The following FSTL4 variants were observed in gnomAD, a reference collection of about 807,000 sequenced individuals.
FSTL4 encodes follistatin like 4, also known as follistatin-related protein 4.
FSTL4 carries 28 observed loss-of-function variants against 78.2 expected under a neutral mutation model. That is an observed-to-expected ratio of 0.36 (90% CI 0.27 to 0.49). The LOEUF is 0.49. FSTL4 is among the 20% of genes least tolerant of loss of function. The pLI, the probability that FSTL4 is intolerant of heterozygous loss-of-function variation, is 0.98. For synonymous variants in FSTL4, 422 were observed against 440.5 expected, an observed-to-expected ratio of 0.96 and a Z score of 0.53; for missense variants, 922 against 1,084.9, an observed-to-expected ratio of 0.85 and a Z score of 2.11.
chr5:133,264,902 G>A (rs993357113), intron 6 of FSTL4, among the ~76,000 whole-genome samples: 7 of 152,178 alleles, frequency 4.6e-5, no homozygotes, highest in African/African-American at 1.7e-4. Context: ...GCCTTAGGAG[G>A]CACAGGCAGA....
intron 3 of FSTL4, among the ~76,000 whole-genome samples, chr5:133,409,928 G>A (rs572522666): frequency 1.7e-4 from 26 of 152,326 alleles, no homozygotes; most frequent in African/African-American, 6.0e-4. Context: ...TCGTGGGTAC[G>A]TGAGAGGGCT....
intron 3 of FSTL4, among the ~76,000 whole-genome samples, chr5:133,451,568 GA>G (rs978119189): frequency 6.6e-6 from 1 of 151,520 alleles, no homozygotes; most frequent in South Asian, 2.1e-4. Context: ...TCTCAAAAAA[GA>G]AAAAAAAGAG....
intron 4 of FSTL4, among the ~76,000 whole-genome samples, chr5:133,394,144 T>C (rs1755933554): frequency 6.6e-6 from 1 of 152,196 alleles, no homozygotes. Flanking sequence ...CGGTCCCTCT[T>C]TGGGAAATGA....
At chr5:133,593,656 G>A (rs1437735407) in intron 2 of FSTL4, among the ~76,000 whole-genome samples, 1 of 152,192 alleles carries the variant, frequency 6.6e-6, no homozygotes, top group Non-Finnish European at 1.5e-5. Context: ...AGTGTCCTGG[G>A]ACCAGGCGTG....
At chr5:133,665,738 G>A in the FSTL4 span, among the ~76,000 whole-genome samples, 1 of 152,202 alleles carries the variant, frequency 6.6e-6, no homozygotes, top group African/African-American at 2.4e-5. Context: ...GGGAACATCT[G>A]GCTGACATAG....
chr5:133,508,569 C>T (rs456250), intron 3 of FSTL4, among the ~76,000 whole-genome samples: 19,275 of 152,190 alleles, frequency 0.13, 1,294 homozygotes, highest in Non-Finnish European at 0.15. Context: ...TTCCACTGTA[C>T]ATGCGGTCTG....
At chr5:133,825,883 TC>T in the FSTL4 span, among the ~76,000 whole-genome samples, 15 of 152,216 alleles carry the variant, frequency 9.9e-5, no homozygotes, top group Non-Finnish European at 7.4e-5. Flanking sequence ...TGCTCAGCTG[TC>T]ATCAAGTATT....
chr5:133,399,975 G>C (rs944906663), intron 4 of FSTL4, among the ~76,000 whole-genome samples: 9 of 152,190 alleles, frequency 5.9e-5, no homozygotes, highest in African/African-American at 2.2e-4. Context: ...ATCAACCCAG[G>C]ATGTGCATTC....
intron 4 of FSTL4, among the ~76,000 whole-genome samples, chr5:133,372,598 G>C (rs28222): frequency 0.73 from 111,467 of 152,066 alleles, 41,525 homozygotes; most frequent in Middle Eastern, 0.81. Context: ...CCAAGCAACA[G>C]TTGGAGTGGG....
chr5:133,737,944 G>A, the FSTL4 span, among the ~76,000 whole-genome samples: 1 of 152,086 alleles, frequency 6.6e-6, no homozygotes, highest in Non-Finnish European at 1.5e-5. Context: ...AATGAACATG[G>A]GGATTTTACT....
the FSTL4 span, among the ~76,000 whole-genome samples, chr5:133,793,177 A>G: frequency 5.3e-5 from 8 of 152,210 alleles, no homozygotes; most frequent in African/African-American, 1.4e-4. Flanking sequence ...CTGGGGAGGG[A>G]CCACCCTCTT....
chr5:133,403,334 C>G (rs1032105218), intron 3 of FSTL4, among the ~76,000 whole-genome samples: 1 of 152,154 alleles, frequency 6.6e-6, no homozygotes, highest in African/African-American at 2.4e-5. Context: ...TCTGGCTAAA[C>G]CAGCTCCAAG....
chr5:133,477,946 T>C (rs908141376), intron 3 of FSTL4, among the ~76,000 whole-genome samples: 1 of 152,188 alleles, frequency 6.6e-6, no homozygotes, highest in Non-Finnish European at 1.5e-5. Flanking sequence ...AAAGTTCCCA[T>C]TGTCTGGCCA....
chr5:133,499,855 G>T (rs1758452888), intron 3 of FSTL4, among the ~76,000 whole-genome samples: 1 of 152,110 alleles, frequency 6.6e-6, no homozygotes, highest in Non-Finnish European at 1.5e-5. Context: ...CCTAAATCCT[G>T]CCATGTCATA....
At chr5:133,357,486 G>A (rs1188836466) in intron 4 of FSTL4, among the ~76,000 whole-genome samples, 2 of 152,320 alleles carry the variant, frequency 1.3e-5, no homozygotes, top group Admixed American at 1.3e-4. Context: ...GAGCCAGGGA[G>A]CCAATTTCTA....
chr5:133,471,210 A>C (rs1757820588), intron 3 of FSTL4, among the ~76,000 whole-genome samples: 1 of 152,106 alleles, frequency 6.6e-6, no homozygotes, highest in South Asian at 2.1e-4. Context: ...TGTTTTAACT[A>C]CCGCGTCTTT....
chr5:133,291,401 G>GT (rs1272831142), intron 6 of FSTL4, among the ~76,000 whole-genome samples: 1 of 152,174 alleles, frequency 6.6e-6, no homozygotes, highest in African/African-American at 2.4e-5. Flanking sequence ...TGTAAATCAG[G>GT]TTTTACTGGA....
In FSTL4 at chr5:133,519,546, G is replaced by T. The variant is rs575107904; in HGVS notation, c.160+47640C>A. ...AAAGCAGCAACATAAAGGAAAGCCG[G>T]GATGGCCACAGTTGATTTCAACACG... On this transcript the variant is annotated intron_variant, in intron 3 of 15. Coordinates refer to ENST00000265342, the MANE Select transcript of FSTL4 (RefSeq NM_015082.2). Among the ~76,000 whole-genome samples, 17 of 152,334 alleles carry T rather than the reference G, an allele frequency of 1.1e-4. 1 individual carries two copies. Among genetic ancestry groups the T allele is most frequent in the African/African-American group, 3.8e-4 (16 of 41,564 alleles).
intron 6 of FSTL4, among the ~76,000 whole-genome samples, chr5:133,310,405 C>T (rs563659073): frequency 2.6e-5 from 4 of 152,312 alleles, no homozygotes; most frequent in African/African-American, 7.2e-5. Flanking sequence ...CAGGTAATGA[C>T]GTCCTTCCCT....
Sources: allele counts gnomAD v4.1 joint callset (sites outside exome capture counted in the v4.1 genomes callset), GRCh38; gene constraint gnomAD v4.1.1; transcripts MANE v1.5; gene names NCBI Gene and HGNC (gene_info 2026-07-23, HGNC 2026-07-21).